EIF4E2: variants seen among roughly 807,000 people sequenced by gnomAD.
EIF4E2 encodes eukaryotic translation initiation factor 4E type 2.
EIF4E2 carries 13 observed loss-of-function variants against 34.2 expected under a neutral mutation model. That is an observed-to-expected ratio of 0.38 (90% confidence interval 0.25 to 0.60). EIF4E2 has a LOEUF of 0.60. EIF4E2 is among the 20% of genes least tolerant of loss of function. The pLI is 0.62. For missense variants in EIF4E2, 222 were observed against 315.1 expected, an observed-to-expected ratio of 0.70 and a Z score of 2.24; for synonymous variants, 100 against 106.6, an observed-to-expected ratio of 0.94 and a Z score of 0.38.
intron 3 of EIF4E2, among the ~76,000 whole-genome samples, chr2:232,563,807 C>T (rs1692813141): frequency 6.6e-6 from 1 of 152,170 alleles, no homozygotes; most frequent in East Asian, 1.9e-4. Flanking sequence ...AATCTTTCAT[C>T]GGTAAGTGAT....
At chr2:232,577,157 G>A (rs1379700241) in intron 6 of EIF4E2, among the ~76,000 whole-genome samples, 3 of 152,210 alleles carry the variant, frequency 2.0e-5, no homozygotes, top group Non-Finnish European at 4.4e-5. Context: ...AGTTGAAGAC[G>A]AGAGACTGGA....
At chr2:232,574,612 C>G (rs948818960) in intron 6 of EIF4E2, among the ~76,000 whole-genome samples, 2 of 152,182 alleles carry the variant, frequency 1.3e-5, no homozygotes, top group Non-Finnish European at 2.9e-5. Flanking sequence ...TTGATGCTAA[C>G]ATTTCATGAT....
At chr2:232,562,111 A>T (rs1692746073) in intron 3 of EIF4E2, among the ~76,000 whole-genome samples, 1 of 152,086 alleles carries the variant, frequency 6.6e-6, no homozygotes, top group African/African-American at 2.4e-5. Flanking sequence ...GCTACTCAGG[A>T]GGCTGAGGCA....
chr2:232,566,693 T>G lies in EIF4E2; in HGVS notation c.376-136T>G. ...CTTCTCTCCCTAGTCCTACCATCAG[T>G]TTTTCTATAGAGTTGAATAATTGGA... On this transcript the variant is annotated intron_variant, in intron 4 of 6. Transcript: ENST00000258416. The surrounding 1 kb of genome is among the most constrained non-coding windows in gnomAD (Gnocchi z 4.9). 9.9e-7 allele frequency: 1 copy of G among 1,012,644 alleles called. No homozygotes were observed. The highest frequency in any genetic ancestry group is 1.4e-6 in the Non-Finnish European group (1 of 705,996). The allele number at this position is 1,012,644 out of a possible 1,614,324, so 62.7% of individuals were successfully genotyped here.
chr2:232,579,268 T>A (rs1160303173), intron 6 of EIF4E2, among the ~76,000 whole-genome samples: 1 of 152,182 alleles, frequency 6.6e-6, no homozygotes, highest in Non-Finnish European at 1.5e-5. Context: ...TGAAAAGAAT[T>A]TTTTAAAAAT....
chr2:232,568,576 C>G (rs1183597710), intron 6 of EIF4E2: 1 of 985,288 alleles, frequency 1.0e-6, no homozygotes, highest in East Asian at 1.1e-4. Context: ...TCTGAATATC[C>G]CCTACTCCCA....
chr2:232,568,988 C>T lies in EIF4E2; in HGVS notation c.709C>T (p.Leu237Phe), dbSNP rs1693025480. 6.2e-7 allele frequency: 1 copy of T among 1,614,200 alleles called. No individual in the cohort carries two copies. Among genetic ancestry groups the T allele is most frequent in the Non-Finnish European group, 8.5e-7 (1 of 1,180,034 alleles). Residue 237 changes from leucine to phenylalanine, a missense_variant, in exon 7 of 7, where the codon CTC (leucine) becomes TTC (phenylalanine). Physicochemically the swap from Leu to Phe is conservative, Grantham distance 22. This residue lies in a region of EIF4E2 where 30 missense variants were observed against 26.3 expected (regional missense o/e 1.14). Transcript: ENST00000258416. ...CCCCCAAAGGCTCCTTTTTCAAAAC[C>T]TCTGGAAGCCGCGGTTGAATGTGCC... ...LGPQRLLFQNLWKPRLNVP is the reference protein window; with the variant it reads ...LGPQRLLFQNFWKPRLNVP
chr2:232,572,508 G>C (rs1268496065), downstream of EIF4E2, among the ~76,000 whole-genome samples: 1 of 152,140 alleles, frequency 6.6e-6, no homozygotes, highest in African/African-American at 2.4e-5. Context: ...TGGGATTACA[G>C]GTGCCCGCCA....
chr2:232,575,192 C>G (rs1693181219), intron 6 of EIF4E2, among the ~76,000 whole-genome samples: 1 of 87,430 alleles, frequency 1.1e-5, no homozygotes, highest in African/African-American at 3.8e-5. Context: ...AAAATTCCCC[C>G]TTCCCTAGAA....
Position 232,567,233 on chromosome 2 carries a change from T to C in EIF4E2, c.665+19T>C, listed in dbSNP as rs1692967066. The C allele has an allele frequency of 3.1e-6, 5 of 1,613,754 alleles. No individual in the cohort carries two copies. Among genetic ancestry groups the C allele is most frequent in the African/African-American group, 1.3e-5 (1 of 74,888 alleles). On this transcript the variant is annotated intron_variant, in intron 6 of 6. Transcript: ENST00000258416. ...GCATCAAGTACGTGTTGGGGGGTTATGGGAGGACGTGTCCCTAAGCTTAGT... is the reference window on the plus strand; with the variant it reads ...GCATCAAGTACGTGTTGGGGGGTTACGGGAGGACGTGTCCCTAAGCTTAGT...
At chr2:232,577,249 G>A (rs991155331) in intron 6 of EIF4E2, among the ~76,000 whole-genome samples, 1 of 152,202 alleles carries the variant, frequency 6.6e-6, no homozygotes, top group Non-Finnish European at 1.5e-5. Flanking sequence ...CTGGCCTGGG[G>A]TGTACAGCTA....
chr2:232,576,471 G>A (rs1693220683), intron 6 of EIF4E2, among the ~76,000 whole-genome samples: 1 of 151,032 alleles, frequency 6.6e-6, no homozygotes, highest in Non-Finnish European at 1.5e-5. Flanking sequence ...TTGCATAATT[G>A]CCATTTTGTG....
chr2:232,570,026 A>G (rs923937854), downstream of EIF4E2, among the ~76,000 whole-genome samples: 1 of 152,206 alleles, frequency 6.6e-6, no homozygotes, highest in South Asian at 2.1e-4. Flanking sequence ...CTTAGGAGCT[A>G]CCACCAAAAA....
intron 3 of EIF4E2, among the ~76,000 whole-genome samples, chr2:232,563,383 CT>C (rs77718119): frequency 8.8e-5 from 13 of 147,552 alleles, no homozygotes; most frequent in African/African-American, 2.5e-4. Flanking sequence ...GACCCTGTCT[CT>C]TTTTTTTTTC....
At chr2:232,574,436 A>T in intron 6 of EIF4E2, 1 of 1,285,230 alleles carries the variant, frequency 7.8e-7, no homozygotes. Context: ...CTCTACCAAC[A>T]TTGAGCCTCA....
At chr2:232,572,047 T>G (rs1297652839), downstream of EIF4E2, among the ~76,000 whole-genome samples, 1 of 152,238 alleles carries the variant, frequency 6.6e-6, no homozygotes, top group East Asian at 1.9e-4. Context: ...TTCCTCTGTC[T>G]TTTGAATCTG....
At chr2:232,574,853 C>G (rs1693171086) in intron 6 of EIF4E2, among the ~76,000 whole-genome samples, 1 of 152,190 alleles carries the variant, frequency 6.6e-6, no homozygotes, top group Non-Finnish European at 1.5e-5. Flanking sequence ...GTGTGAGTAG[C>G]AGTTGTTCCA....
intron 3 of EIF4E2, among the ~76,000 whole-genome samples, chr2:232,559,824 TAAA>T (rs576233672): frequency 0.23 from 26,042 of 115,302 alleles, 2,944 homozygotes; most frequent in Admixed American, 0.34. Flanking sequence ...ACGGGAGCAT[TAAA>T]AAAAAAAAAA....
At chr2:232,556,663 A>G in intron 2 of EIF4E2, 133 bp downstream of exon 2, 1 of 673,006 alleles carries the variant, frequency 1.5e-6, no homozygotes, top group Non-Finnish European at 2.6e-6. Flanking sequence ...TTGTTCTCAG[A>G]AAAACATTGT....
Sources: gnomAD v4.1 joint callset for allele counts (sites outside exome capture counted in the v4.1 genomes callset) on GRCh38, gnomAD v4.1.1 for gene constraint, gnomAD v4.1.1 regional missense constraint, Gnocchi (gnomAD v3.1) non-coding constraint, MANE v1.5 for transcripts, NCBI Gene and HGNC (gene_info 2026-07-23, HGNC 2026-07-21) for gene names.